Variants in AP3M1 observed in about 807,000 individuals in gnomAD.
The protein encoded by AP3M1 is adaptor related protein complex 3 subunit mu 1.
In AP3M1, 29 loss-of-function variants were observed where a neutral mutation model predicts 42.6. That is an observed-to-expected ratio of 0.68 (90% CI 0.51 to 0.93). The LOEUF is 0.93. Ranked by LOEUF, AP3M1 falls within the 40% of genes least tolerant of loss-of-function variation. AP3M1 has a pLI of 0.00. For synonymous variants in AP3M1, 178 were observed against 175.3 expected (o/e 1.02, Z -0.12); for missense variants, 416 against 510.2 (o/e 0.82, Z 1.78).
intron 7 of AP3M1, among the ~76,000 whole-genome samples, chr10:74,125,523 T>G (rs973015849): frequency 1.3e-4 from 20 of 152,246 alleles, no homozygotes; most frequent in African/African-American, 4.8e-4. Context: ...TAAATAATCT[T>G]TAACATTCTA....
chr10:74,142,403 T>C (rs1841182371), intron 1 of AP3M1, among the ~76,000 whole-genome samples: 2 of 152,336 alleles, frequency 1.3e-5, no homozygotes, highest in Admixed American at 6.5e-5. Flanking sequence ...ACATCAACCC[T>C]TTCTTTTATG....
At chr10:74,148,498 G>C (rs1435541829) in intron 1 of AP3M1, among the ~76,000 whole-genome samples, 3 of 152,148 alleles carry the variant, frequency 2.0e-5, no homozygotes, top group Non-Finnish European at 2.9e-5. Context: ...ACAGTACTGA[G>C]CTACTTAAAA....
chr10:74,150,419 GC>G, intron 1 of AP3M1: 1 of 152,796 alleles, frequency 6.5e-6, no homozygotes, highest in South Asian at 2.1e-4. Flanking sequence ...CAGGACGTCT[GC>G]TCAGGTCCGT....
At chr10:74,141,175 T>C (rs1465821108) in intron 1 of AP3M1, among the ~76,000 whole-genome samples, 1 of 152,176 alleles carries the variant, frequency 6.6e-6, no homozygotes, top group Non-Finnish European at 1.5e-5. Context: ...GGGCCAGGTG[T>C]GGTGACTCAC....
chr10:74,138,109 GA>G lies in AP3M1; in HGVS notation c.270del (p.Gln91ArgfsTer18), dbSNP rs1477337746. 4 of 1,612,676 alleles carry G rather than the reference GA, an allele frequency of 2.5e-6. No homozygotes were observed. The highest frequency in any genetic ancestry group is 8.5e-7 in the Non-Finnish European group (1 of 1,179,308). ...GAAAGGTATGATAGATAACCAACCT[GA>G]AAAGTGTCAGCAACTCGATGTAGGA... The part of the protein sequence containing the change: ...IEFLHRVADT[F>X]QDYFGECSEA... On this transcript the variant is annotated frameshift_variant, in exon 2 of 9. Coordinates refer to ENST00000355264, the MANE Select transcript of AP3M1 (RefSeq NM_012095.6). LOFTEE classifies it high-confidence loss of function.
chr10:74,140,038 C>T (rs1841092627), intron 1 of AP3M1, among the ~76,000 whole-genome samples: 2 of 152,084 alleles, frequency 1.3e-5, no homozygotes, highest in Non-Finnish European at 2.9e-5. Flanking sequence ...CAGGGGCGAA[C>T]GGGGTGGGGT....
At chr10:74,145,281 C>T (rs1006400474) in intron 1 of AP3M1, among the ~76,000 whole-genome samples, 4 of 152,150 alleles carry the variant, frequency 2.6e-5, no homozygotes, top group African/African-American at 7.2e-5. Flanking sequence ...AGGAAAGTTT[C>T]CACCGAAGTT....
In AP3M1 at chr10:74,123,697, T is replaced by C; in HGVS notation, c.*113A>G. On this transcript the variant is annotated 3_prime_UTR_variant, in exon 9 of 9. Coordinates refer to ENST00000355264, the MANE Select transcript of AP3M1 (RefSeq NM_012095.6). ...AGTAACTTTGTTAGCGGTGTGTAGC[T>C]AGACACAAATGCTTTAACTAGAATA... is the stretch of plus-strand genomic sequence containing the variant. 2.5e-6 allele frequency: 2 copies of C among 815,190 alleles called. No individual in the cohort carries two copies. The highest frequency in any genetic ancestry group is 3.4e-5 in the African/African-American group (2 of 58,936). The allele number at this position is 815,190 out of a possible 1,614,324, so 50.5% of individuals were successfully genotyped here.
intron 1 of AP3M1, among the ~76,000 whole-genome samples, chr10:74,148,506 A>C (rs1841403494): frequency 6.6e-6 from 1 of 152,172 alleles, no homozygotes; most frequent in Non-Finnish European, 1.5e-5. Context: ...GAGCTACTTA[A>C]AAATATTTAA....
chr10:74,127,623 C>T (rs1481112876), intron 6 of AP3M1, among the ~76,000 whole-genome samples: 1 of 151,844 alleles, frequency 6.6e-6, no homozygotes, highest in East Asian at 1.9e-4. Flanking sequence ...CACACCATTG[C>T]ACTCCAGCCT....
intron 4 of AP3M1, among the ~76,000 whole-genome samples, chr10:74,133,662 TC>T (rs1035239250): frequency 3.3e-5 from 5 of 151,622 alleles, no homozygotes; most frequent in African/African-American, 1.2e-4. Context: ...TCTTTTCCTT[TC>T]TTCTTCTTTT....
intron 1 of AP3M1, among the ~76,000 whole-genome samples, chr10:74,148,253 C>T (rs967978014): frequency 6.6e-6 from 1 of 152,020 alleles, no homozygotes; most frequent in Non-Finnish European, 1.5e-5. Context: ...GAGGGAAAAA[C>T]GGAAAGAGGA....
In AP3M1 at chr10:74,128,568, C is replaced by T. The variant is rs145633739; in HGVS notation, c.803+540G>A. ...AATGCTAAACAGTTCCTTAAAAACT[C>T]AACGCAGAGAAGACGTACTTGAAGC... On this transcript the variant is annotated intron_variant, in intron 6 of 8. Transcript: ENST00000355264. Among the ~76,000 whole-genome samples the T allele has an allele frequency of 2.0e-5, 3 of 152,108 alleles. No homozygotes were observed. The East Asian group carries it at 5.9e-4, about 30-fold the overall frequency.
rs764345053 is a variant in AP3M1 at position 74,134,112 on chromosome 10, T to C, written c.498A>G (p.Pro166=). The C allele has an allele frequency of 3.1e-6, 5 of 1,614,224 alleles. No individual in the cohort carries two copies. The highest frequency in any genetic ancestry group is 3.4e-6 in the Non-Finnish European group (4 of 1,180,042). The part of the protein sequence containing the change: ...TLPTGQLSNI[P]WRRAGVKYTN... Reference sequence around the variant, plus strand: ...TGTACTTTACCCCTGCCCGACGCCATGGTATGTTGGACAGCTGCCCGGTGG... The same window carrying C: ...TGTACTTTACCCCTGCCCGACGCCACGGTATGTTGGACAGCTGCCCGGTGG... The change falls in exon 4 of 9, where the codon CCA becomes CCG. Residue 166 remains proline (P), a synonymous_variant. Transcript: ENST00000355264.
intron 4 of AP3M1, among the ~76,000 whole-genome samples, chr10:74,133,484 C>A (rs781392542): frequency 2.0e-5 from 3 of 151,766 alleles, no homozygotes; most frequent in African/African-American, 7.3e-5. Flanking sequence ...TCGCTTGAAT[C>A]CAGGAGGTGA....
chr10:74,130,200 C>A (rs1840741896), intron 4 of AP3M1, among the ~76,000 whole-genome samples: 1 of 152,048 alleles, frequency 6.6e-6, no homozygotes, highest in African/African-American at 2.4e-5. Flanking sequence ...TCCCAAATAG[C>A]TGGGAATATA....
rs560189355 is a variant in AP3M1 at position 74,138,314 on chromosome 10, G to A, written c.66C>T (p.Ser22=). The change falls in exon 2 of 9, where the codon AGC becomes AGT. Residue 22 remains serine, a synonymous_variant. Transcript: ENST00000355264. ...GDIFLEKHWK[S]VVSQSVCDYF... ...AATCACAGACAGACTGGCTCACAAC[G>A]CTCTTCCAGTGCTTCTCTAGAAATA... 1.5e-5 allele frequency: 25 copies of A among 1,613,970 alleles called. No homozygotes were observed. In the South Asian group the frequency reaches 1.8e-4, roughly 11 times the overall value.
chr10:74,149,194 G>C (rs1055407871), intron 1 of AP3M1, among the ~76,000 whole-genome samples: 1 of 134,268 alleles, frequency 7.4e-6, no homozygotes, highest in East Asian at 2.6e-4. Flanking sequence ...TAAATGGTTA[G>C]AAATAAAAAT....
At chr10:74,137,935 A>G (rs1036526674) in intron 2 of AP3M1, among the ~76,000 whole-genome samples, 172 bp downstream of exon 2, 1 of 152,220 alleles carries the variant, frequency 6.6e-6, no homozygotes, top group African/African-American at 2.4e-5. Flanking sequence ...TAGTGAATAG[A>G]GCAGCCATGT....
Sources: allele counts gnomAD v4.1 joint callset (sites outside exome capture counted in the v4.1 genomes callset), GRCh38; gene constraint gnomAD v4.1.1; transcripts MANE v1.5; gene names NCBI Gene and HGNC (gene_info 2026-07-23, HGNC 2026-07-21).